The following ABCB4 variants were observed in gnomAD, a reference collection of about 807,000 sequenced individuals.
ABCB4 encodes the protein phosphatidylcholine translocator ABCB4.
In ABCB4, 76 loss-of-function variants were observed where a neutral mutation model predicts 145.7. The observed-to-expected ratio is 0.52, with a 90% CI of 0.43 to 0.63. ABCB4 has a LOEUF of 0.63. Among genes scored for constraint, ABCB4 ranks in the 30% least tolerant of loss-of-function variants. The pLI, the probability that ABCB4 is intolerant of heterozygous loss-of-function variation, is 0.00. For missense variants in ABCB4, 1,234 were observed against 1,553.1 expected (o/e 0.79, Z 3.45); for synonymous variants, 517 against 566.8 (o/e 0.91, Z 1.25).
chr7:87,425,921 A>G (rs529394673), intron 16 of ABCB4, among the ~76,000 whole-genome samples: 13 of 152,140 alleles, frequency 8.5e-5, no homozygotes, highest in Non-Finnish European at 1.6e-4. Context: ...TTATTTGTTA[A>G]CTGGAGTTAA....
At chr7:87,454,946 AG>A (rs1812013207) in intron 4 of ABCB4, among the ~76,000 whole-genome samples, 3 of 152,166 alleles carry the variant, frequency 2.0e-5, no homozygotes, top group African/African-American at 7.2e-5. Context: ...CAGAAGACAG[AG>A]GAGGGAATAA....
Position 87,417,438 on chromosome 7 carries a change from G to A in ABCB4, c.2556C>T (p.Tyr852=), listed in dbSNP as rs533310204. ...LGTGIIISFI[Y]GWQLTLLLLA... ...ATAGCAATAGGGTTAACTGCCAACC[G>A]TAGATAAATGATATGATAATACCAG... Residue 852 remains tyrosine (Y), a synonymous_variant, in exon 21 of 28, where the codon TAC becomes TAT. Coordinates refer to ENST00000649586, the MANE Select transcript of ABCB4 (RefSeq NM_000443.4). 34 of 1,614,068 alleles carry A rather than the reference G, an allele frequency of 2.1e-5. No homozygotes were observed. The highest frequency in any genetic ancestry group is 1.6e-4 in the Middle Eastern group (1 of 6,062).
At chr7:87,473,726 AGTGT>A (rs4015825) in intron 2 of ABCB4, among the ~76,000 whole-genome samples, 4 of 150,006 alleles carry the variant, frequency 2.7e-5, no homozygotes, top group Admixed American at 6.7e-5. Context: ...TCTATGAGGG[AGTGT>A]GTGTGTGTGT....
chr7:87,441,359 T>C (rs1176148901), intron 12 of ABCB4, among the ~76,000 whole-genome samples: 1 of 152,208 alleles, frequency 6.6e-6, no homozygotes, highest in African/African-American at 2.4e-5. Flanking sequence ...TTTCTTCCAA[T>C]TAATAGGTAT....
intron 5 of ABCB4, among the ~76,000 whole-genome samples, chr7:87,453,919 C>T (rs1293083037): frequency 6.8e-6 from 1 of 146,012 alleles, no homozygotes. Context: ...AACTTTGTTC[C>T]TATTTGTCAG....
the ABCB4 span, chr7:87,391,645 A>T: frequency 2.5e-6 from 4 of 1,611,676 alleles, no homozygotes; most frequent in Non-Finnish European, 3.4e-6. Flanking sequence ...GGCCGTACAG[A>T]GACTATGCGA....
chr7:87,467,414 T>C (rs1812992085), intron 3 of ABCB4, among the ~76,000 whole-genome samples: 2 of 151,980 alleles, frequency 1.3e-5, no homozygotes, highest in South Asian at 4.1e-4. Context: ...AGTCCTTAGA[T>C]ACCTACAAAG....
downstream of ABCB4, chr7:87,398,730 T>C (rs1401681501): frequency 1.2e-5 from 15 of 1,288,538 alleles, no homozygotes; most frequent in South Asian, 4.1e-5. Context: ...TGGGAAGGAA[T>C]GTTGACTTGC....
intron 3 of ABCB4, among the ~76,000 whole-genome samples, chr7:87,471,979 C>T (rs45553836): frequency 0.019 from 2,924 of 152,268 alleles, 94 homozygotes; most frequent in African/African-American, 0.067. Flanking sequence ...GGGTGGGGGT[C>T]TGTGAAGCAA....
rs1169803142 is a variant in ABCB4, at chr7:87,449,894, C to A, written c.833+74G>T. 5.6e-6 allele frequency: 9 copies of A among 1,611,428 alleles called. No homozygotes were observed. In the African/African-American group the frequency reaches 8.0e-5, roughly 14 times the overall value. On this transcript the variant is annotated intron_variant, in intron 8 of 27. Coordinates refer to ENST00000649586, the MANE Select transcript of ABCB4 (RefSeq NM_000443.4). ...ATATTAGGAAAGGGAAGGTAAAAAA[C>A]ACATACCACAAAGAAGAAGCAACAA... is the stretch of plus-strand genomic sequence containing the variant.
the ABCB4 span, among the ~76,000 whole-genome samples, chr7:87,390,455 T>C: frequency 6.6e-6 from 1 of 152,216 alleles, no homozygotes; most frequent in Non-Finnish European, 1.5e-5. Flanking sequence ...ATTTTAGTGC[T>C]ATTTAAAAAT....
At chr7:87,412,810 T>C (rs1706074080) in intron 22 of ABCB4, among the ~76,000 whole-genome samples, 1 of 152,236 alleles carries the variant, frequency 6.6e-6, no homozygotes, top group South Asian at 2.1e-4. Flanking sequence ...TTCACCTTTC[T>C]ATTCTTCCTT....
chr7:87,395,956 T>A, the ABCB4 span, among the ~76,000 whole-genome samples: 1 of 152,204 alleles, frequency 6.6e-6, no homozygotes, highest in Non-Finnish European at 1.5e-5. Flanking sequence ...CCATTGAAGA[T>A]GCCATTGTTG....
chr7:87,440,159 A>C, intron 13 of ABCB4, 40 bp downstream of exon 13: 2 of 1,591,614 alleles, frequency 1.3e-6, no homozygotes, highest in Non-Finnish European at 1.7e-6. Context: ...ATGAGGTGAA[A>C]TTCTAATTTC....
intron 14 of ABCB4, among the ~76,000 whole-genome samples, chr7:87,439,357 T>C (rs1471806110): frequency 1.3e-5 from 2 of 152,140 alleles, no homozygotes; most frequent in African/African-American, 2.4e-5. Flanking sequence ...TAAAAATATA[T>C]ATATTTTAAC....
intron 4 of ABCB4, among the ~76,000 whole-genome samples, chr7:87,459,899 G>A (rs1022092080): frequency 6.6e-6 from 1 of 152,190 alleles, no homozygotes; most frequent in East Asian, 1.9e-4. Context: ...AATAAATGGT[G>A]CTTTATGGTT....
At position 87,413,619 on chromosome 7, in the gene ABCB4, G is replaced by A; in HGVS notation, c.2781C>T (p.Tyr927=). 1 of 1,583,686 alleles carries A rather than the reference G, an allele frequency of 6.3e-7. No homozygotes were observed. The highest frequency in any genetic ancestry group is 8.7e-7 in the Non-Finnish European group (1 of 1,153,596). ...SMYVEKLYGP[Y]RNSVQKAHIY... ...GCAGGAATCATATGGTTCATTACCT[G>A]TAAGGTCCATACAATTTTTCAACAT... Residue 927 remains tyrosine, a splice_region_variant and synonymous_variant, in exon 22 of 28, where the codon TAC becomes TAT. Transcript: ENST00000649586.
intron 3 of ABCB4, among the ~76,000 whole-genome samples, chr7:87,469,712 T>C (rs1044821427): frequency 2.6e-5 from 4 of 151,896 alleles, no homozygotes; most frequent in African/African-American, 9.7e-5. Context: ...CTCAACGAAA[T>C]AAAAGAGGAC....
intron 3 of ABCB4, among the ~76,000 whole-genome samples, chr7:87,468,147 A>G (rs1022755994): frequency 6.6e-6 from 1 of 152,238 alleles, no homozygotes; most frequent in Non-Finnish European, 1.5e-5. Context: ...ATTGACTGCT[A>G]GCAAGACCAA....
Sources: gnomAD v4.1 joint callset for allele counts (sites outside exome capture counted in the v4.1 genomes callset) on GRCh38, gnomAD v4.1.1 for gene constraint, MANE v1.5 for transcripts, NCBI Gene and HGNC (gene_info 2026-07-23, HGNC 2026-07-21) for gene names.